CNBD1: variants seen among roughly 807,000 people sequenced by gnomAD.
The protein encoded by CNBD1 is cyclic nucleotide binding domain containing 1.
CNBD1 carries 71 observed loss-of-function variants against 54.4 expected under a neutral mutation model. That is an observed-to-expected ratio of 1.30 (90% confidence interval 1.08 to 1.59). The LOEUF (loss-of-function observed/expected upper bound fraction) is 1.59. Among genes scored for constraint, CNBD1 ranks in the 40% most tolerant of loss-of-function variants. The pLI, the probability that CNBD1 is intolerant of heterozygous loss-of-function variation, is 0.00. For synonymous variants in CNBD1, 182 were observed against 170.7 expected (o/e 1.07, Z -0.51); for missense variants, 659 against 518.0 (o/e 1.27, Z -2.64).
Position 87,205,397 on chromosome 8 carries a change from T to C in CNBD1, c.432-596T>C, listed in dbSNP as rs59105757. 5.1e-3 allele frequency among the ~76,000 whole-genome samples: 771 copies of C among 152,300 alleles called. 7 individuals carry two copies. Among genetic ancestry groups the C allele is most frequent in the African/African-American group, 0.018 (728 of 41,566 alleles). On this transcript the variant is annotated intron_variant, in intron 4 of 10. Transcript: ENST00000518476. ...TTAGTCCTTTGAGACATCAGATTGA[T>C]AGGAATTTTATATCCTGATTTAGTG...
At chr8:87,416,444 C>A (rs538331684) in intron 2 of CNBD1, among the ~76,000 whole-genome samples, 16 of 152,104 alleles carry the variant, frequency 1.1e-4, no homozygotes, top group African/African-American at 3.6e-4. Context: ...TTTAGCTTGT[C>A]CTATAGCCAC....
intron 8 of CNBD1, among the ~76,000 whole-genome samples, chr8:87,297,708 T>G (rs1435418140): frequency 4.5e-4 from 69 of 151,692 alleles, no homozygotes; most frequent in Middle Eastern, 6.9e-3. Context: ...GTGGGGTGTG[T>G]GTGTGTGTGT....
chr8:87,297,703 GT>G (rs568894792), intron 8 of CNBD1, among the ~76,000 whole-genome samples: 42,071 of 140,998 alleles, frequency 0.3, 6,484 homozygotes, highest in Middle Eastern at 0.41. Flanking sequence ...AGAATGTGGG[GT>G]GTGTGTGTGT....
At chr8:86,999,324 G>A (rs74368088) in intron 4 of CNBD1, among the ~76,000 whole-genome samples, 1 of 152,254 alleles carries the variant, frequency 6.6e-6, no homozygotes, top group African/African-American at 2.4e-5. Context: ...GACTTCCTAT[G>A]TTACTTGTTT....
At chr8:86,887,964 A>C (rs1808706261) in intron 2 of CNBD1, among the ~76,000 whole-genome samples, 1 of 152,192 alleles carries the variant, frequency 6.6e-6, no homozygotes, top group Non-Finnish European at 1.5e-5. Context: ...ATTGAAATAT[A>C]CTGGAACCAG....
At chr8:87,084,060 T>C (rs559302745) in intron 4 of CNBD1, among the ~76,000 whole-genome samples, 1 of 152,318 alleles carries the variant, frequency 6.6e-6, no homozygotes, top group East Asian at 1.9e-4. Flanking sequence ...TCAAATGTTT[T>C]ACAGAATTTG....
At chr8:86,912,987 A>G (rs1809128046) in intron 3 of CNBD1, among the ~76,000 whole-genome samples, 1 of 152,234 alleles carries the variant, frequency 6.6e-6, no homozygotes, top group African/African-American at 2.4e-5. Flanking sequence ...AAAAATGCTT[A>G]TAGGATAAAG....
Position 87,236,964 on chromosome 8 carries a change from G to T in CNBD1, c.623G>T (p.Arg208Leu). The T allele has an allele frequency of 6.2e-7, 1 of 1,611,322 alleles. No individual in the cohort carries two copies. Among genetic ancestry groups the T allele is most frequent in the Non-Finnish European group, 8.5e-7 (1 of 1,178,412 alleles). ...TATGTAATACTGAAAGGCCTAGCTCGACCTCAAACAAACGTGTATAAAAAT... is the reference window on the plus strand; with the variant it reads ...TATGTAATACTGAAAGGCCTAGCTCTACCTCAAACAAACGTGTATAAAAAT... ...GFYVILKGLA[R>L]PQTNVYKNLI... The change falls in exon 6 of 11, where the codon CGA (arginine) becomes CTA (leucine). Residue 208 changes from arginine to leucine, a missense_variant. By Grantham distance (102) the Arg-to-Leu change is moderately radical (BLOSUM62 -2). Transcript: ENST00000518476.
chr8:87,156,391 C>T (rs746925722), intron 4 of CNBD1, among the ~76,000 whole-genome samples: 3 of 150,442 alleles, frequency 2.0e-5, no homozygotes, highest in African/African-American at 4.9e-5. Context: ...ATTACAGGCA[C>T]GTACCATCAT....
intron 4 of CNBD1, among the ~76,000 whole-genome samples, chr8:87,015,484 G>A (rs888198208): frequency 1.3e-4 from 19 of 151,874 alleles, no homozygotes; most frequent in Admixed American, 2.0e-4. Context: ...CATGCCCAGC[G>A]AAATACTGGC....
intron 6 of CNBD1, among the ~76,000 whole-genome samples, chr8:87,240,822 C>T (rs767633557): frequency 7.9e-5 from 12 of 152,110 alleles, no homozygotes; most frequent in Admixed American, 1.3e-4. Context: ...CTGGTGTTGC[C>T]TCCTAGAGGG....
At chr8:87,096,493 A>G (rs1811323637) in intron 4 of CNBD1, among the ~76,000 whole-genome samples, 1 of 152,128 alleles carries the variant, frequency 6.6e-6, no homozygotes, top group Non-Finnish European at 1.5e-5. Flanking sequence ...TTTTAGGGTA[A>G]ACAATTAGAT....
intron 4 of CNBD1, among the ~76,000 whole-genome samples, chr8:87,028,789 A>G (rs530416560): frequency 6.6e-6 from 1 of 152,346 alleles, no homozygotes; most frequent in East Asian, 1.9e-4. Context: ...GAACTCAGAT[A>G]AAACAAATGT....
chr8:87,204,942 T>C (rs1029748176), intron 4 of CNBD1, among the ~76,000 whole-genome samples: 1 of 151,810 alleles, frequency 6.6e-6, no homozygotes, highest in Non-Finnish European at 1.5e-5. Context: ...GACTGTATAC[T>C]AAGCTAGTAT....
intron 6 of CNBD1, among the ~76,000 whole-genome samples, chr8:87,273,375 G>A (rs1390940065): frequency 7.3e-6 from 1 of 137,386 alleles, no homozygotes; most frequent in Non-Finnish European, 1.6e-5. Flanking sequence ...GCCTCTTTAC[G>A]ATTAAGTAAG....
intron 8 of CNBD1, among the ~76,000 whole-genome samples, chr8:87,294,014 A>G (rs1346084355): frequency 6.6e-6 from 1 of 152,174 alleles, no homozygotes; most frequent in Non-Finnish European, 1.5e-5. Flanking sequence ...ACTTACAGAT[A>G]ATGTGACATC....
Position 87,351,799 on chromosome 8 carries a change from G to A in CNBD1, c.1152+5G>A, listed in dbSNP as rs752550998. ...AAACTACGATCAAATAAAGTGGTAA[G>A]TTTTCAACATGTATTCTTTTTAATC... On this transcript the variant is annotated splice_donor_5th_base_variant and intron_variant, in intron 9 of 10. Coordinates refer to ENST00000518476, the MANE Select transcript of CNBD1 (RefSeq NM_173538.3). The A allele has an allele frequency of 6.8e-7, 1 of 1,472,448 alleles. No homozygotes were observed. Among genetic ancestry groups the A allele is most frequent in the South Asian group, 1.4e-5 (1 of 70,246 alleles). 91.2% of individuals were successfully genotyped at this position (1,472,448 alleles called of 1,614,324 possible). A position where few individuals can be genotyped will look rare whatever the true frequency, so the allele number is the denominator to read the frequency against.
At chr8:87,336,103 A>T (rs1809940619) in intron 8 of CNBD1, among the ~76,000 whole-genome samples, 1 of 152,064 alleles carries the variant, frequency 6.6e-6, no homozygotes, top group Non-Finnish European at 1.5e-5. Flanking sequence ...AGGTGACCTG[A>T]CCTTTCTCTC....
At chr8:86,905,460 G>C (rs1809003658) in intron 3 of CNBD1, among the ~76,000 whole-genome samples, 1 of 152,158 alleles carries the variant, frequency 6.6e-6, no homozygotes, top group Non-Finnish European at 1.5e-5. Flanking sequence ...ATGAACGGCA[G>C]TGTTTATGAA....
Sources: allele counts gnomAD v4.1 joint callset (sites outside exome capture counted in the v4.1 genomes callset), GRCh38; gene constraint gnomAD v4.1.1; transcripts MANE v1.5; gene names NCBI Gene and HGNC (gene_info 2026-07-23, HGNC 2026-07-21).